Variants in PRDM6 observed in about 807,000 individuals in gnomAD.
PRDM6 encodes PR/SET domain 6, also known as putative histone-lysine N-methyltransferase PRDM6.
Under a neutral mutation model 60.8 loss-of-function variants are expected in PRDM6, and 25 were observed. That is an observed-to-expected ratio of 0.41 (90% CI 0.30 to 0.57). PRDM6 has a LOEUF of 0.57. Ranked by LOEUF, PRDM6 falls within the 20% of genes least tolerant of loss-of-function variation. The probability of loss-of-function intolerance (pLI) is 0.27; values close to 1 mark genes in which losing one functional copy is unlikely to be tolerated. For synonymous variants in PRDM6, 407 were observed against 357.4 expected (o/e 1.14, Z -1.57); for missense variants, 839 against 821.3 (o/e 1.02, Z -0.26).
At chr5:123,102,449 C>G (rs1764124996) in intron 3 of PRDM6, among the ~76,000 whole-genome samples, 1 of 151,750 alleles carries the variant, frequency 6.6e-6, no homozygotes, top group African/African-American at 2.4e-5. Context: ...GCTAAATTTT[C>G]TTCTGAAATT....
intron 6 of PRDM6, among the ~76,000 whole-genome samples, chr5:123,174,591 A>G (rs1765963544): frequency 6.6e-6 from 1 of 152,176 alleles, no homozygotes; most frequent in Non-Finnish European, 1.5e-5. Context: ...GAAACCCCAG[A>G]TATTTCAACC....
intron 4 of PRDM6, among the ~76,000 whole-genome samples, chr5:123,157,531 C>T (rs184232135): frequency 1.9e-3 from 283 of 152,290 alleles, no homozygotes; most frequent in South Asian, 5.2e-3. Context: ...TACAACTCCC[C>T]CTTTCATGAC....
chr5:123,138,056 G>A (rs182653054), intron 3 of PRDM6, among the ~76,000 whole-genome samples: 18 of 152,106 alleles, frequency 1.2e-4, no homozygotes, highest in African/African-American at 4.1e-4. Flanking sequence ...ACTGATATAG[G>A]CCAGGATTAT....
chr5:123,165,346 C>T (rs1272605249), intron 5 of PRDM6, among the ~76,000 whole-genome samples: 2 of 152,246 alleles, frequency 1.3e-5, no homozygotes, highest in Middle Eastern at 3.2e-3. Flanking sequence ...ACCTTGACAC[C>T]TCACTCTTGC....
intron 3 of PRDM6, among the ~76,000 whole-genome samples, chr5:123,116,645 T>C (rs1335140678): frequency 6.6e-6 from 1 of 151,938 alleles, no homozygotes; most frequent in Non-Finnish European, 1.5e-5. Context: ...AAAAAAATTA[T>C]TTTTCTGTTA....
At chr5:123,090,687 G>T in intron 2 of PRDM6, 81 bp downstream of exon 2, 1 of 762,522 alleles carries the variant, frequency 1.3e-6, no homozygotes. Context: ...CAGGGAGGCG[G>T]GTCGGATAGG....
intron 5 of PRDM6, among the ~76,000 whole-genome samples, chr5:123,162,286 T>TG (rs1328909278): frequency 2.0e-5 from 3 of 152,206 alleles, no homozygotes; most frequent in Non-Finnish European, 4.4e-5. Context: ...AGAGCATTTT[T>TG]GGGTCTCTGT....
In PRDM6 at chr5:123,099,526, C is replaced by A. The variant is rs1469337075; in HGVS notation, c.593-128C>A. Reference sequence around the variant, plus strand: ...TTGCTTCGGTGCCCCCAAGGCATCACCTTCCTCGAAGGTGGCTTACCCAGG... The same window carrying A: ...TTGCTTCGGTGCCCCCAAGGCATCAACTTCCTCGAAGGTGGCTTACCCAGG... On this transcript the variant is annotated intron_variant, in intron 2 of 7. Coordinates refer to ENST00000407847, the MANE Select transcript of PRDM6 (RefSeq NM_001136239.4). The surrounding 1 kb of genome is among the most constrained non-coding windows in gnomAD (Gnocchi z 4.0). 1 of 833,152 alleles carries A rather than the reference C, an allele frequency of 1.2e-6. No individual in the cohort carries two copies. The highest frequency in any genetic ancestry group is 1.8e-6 in the Non-Finnish European group (1 of 566,600). The allele number at this position is 833,152 out of a possible 1,614,324, so 51.6% of individuals were successfully genotyped here. A position where few individuals can be genotyped will look rare whatever the true frequency, so the allele number is the denominator to read the frequency against.
intron 3 of PRDM6, among the ~76,000 whole-genome samples, chr5:123,143,427 G>C (rs1238711154): frequency 6.6e-6 from 1 of 152,154 alleles, no homozygotes; most frequent in African/African-American, 2.4e-5. Flanking sequence ...GAAGCCTACA[G>C]GTTATAACAA....
intron 2 of PRDM6, among the ~76,000 whole-genome samples, chr5:123,093,498 A>G (rs1396059400): frequency 6.6e-6 from 1 of 152,198 alleles, no homozygotes; most frequent in Non-Finnish European, 1.5e-5. Context: ...GAGCTTTTCC[A>G]GTATGTTCCT....
intron 3 of PRDM6, among the ~76,000 whole-genome samples, chr5:123,153,693 A>G (rs1054173537): frequency 3.3e-5 from 5 of 152,210 alleles, no homozygotes; most frequent in African/African-American, 1.2e-4. Context: ...GTCACGATAT[A>G]CTTAGTTAAG....
chr5:123,143,148 A>AGAGTGTGTGTGTGT (rs1491407263), intron 3 of PRDM6, among the ~76,000 whole-genome samples: 3 of 145,878 alleles, frequency 2.1e-5, no homozygotes, highest in Non-Finnish European at 4.5e-5. Flanking sequence ...TAGTTTTTAA[A>AGAGTGTGTGTGTGT]GTGTGTGTGT....
chr5:123,172,483 GAT>G (rs1765914880), intron 6 of PRDM6, among the ~76,000 whole-genome samples: 1 of 152,090 alleles, frequency 6.6e-6, no homozygotes. Flanking sequence ...GCGTAGAGGT[GAT>G]ACAAAAGTTA....
chr5:123,111,687 G>GAAAAAA (rs113036372), intron 3 of PRDM6, among the ~76,000 whole-genome samples: 1 of 109,828 alleles, frequency 9.1e-6, no homozygotes, highest in African/African-American at 2.9e-5. Context: ...GACAGAGCGA[G>GAAAAAA]AAAACAAAAC....
At chr5:123,143,933 G>A (rs1208683826) in intron 3 of PRDM6, among the ~76,000 whole-genome samples, 1 of 152,282 alleles carries the variant, frequency 6.6e-6, no homozygotes, top group Middle Eastern at 3.4e-3. Flanking sequence ...GTGTGGTCCA[G>A]TCAGGGGATC....
chr5:123,141,429 C>A (rs1282249240), intron 3 of PRDM6, among the ~76,000 whole-genome samples: 1 of 151,886 alleles, frequency 6.6e-6, no homozygotes, highest in Non-Finnish European at 1.5e-5. Flanking sequence ...GATCACTGAG[C>A]TACAGAAAAA....
intron 3 of PRDM6, among the ~76,000 whole-genome samples, chr5:123,120,452 G>T (rs748127416): frequency 6.6e-6 from 1 of 152,190 alleles, no homozygotes; most frequent in Admixed American, 6.5e-5. Context: ...GTTCAGTGGG[G>T]TGGTGGGGGT....
At chr5:123,132,112 C>G (rs73296910) in intron 3 of PRDM6, among the ~76,000 whole-genome samples, 1 of 152,088 alleles carries the variant, frequency 6.6e-6, no homozygotes, top group African/African-American at 2.4e-5. Context: ...CCCCTTCTGA[C>G]GTATGTGCCC....
chr5:123,176,931 G>A (rs1048494166), intron 6 of PRDM6, among the ~76,000 whole-genome samples: 10 of 152,174 alleles, frequency 6.6e-5, no homozygotes, highest in African/African-American at 2.4e-4. Flanking sequence ...GGGAATGTTG[G>A]TTGTCAGAAT....
Sources: gnomAD v4.1 joint callset for allele counts (sites outside exome capture counted in the v4.1 genomes callset) on GRCh38, gnomAD v4.1.1 for gene constraint, Gnocchi (gnomAD v3.1) non-coding constraint, MANE v1.5 for transcripts, NCBI Gene and HGNC (gene_info 2026-07-23, HGNC 2026-07-21) for gene names.